Variants in NT5C2 observed in about 807,000 individuals in gnomAD.
The protein encoded by NT5C2 is 5'-nucleotidase, cytosolic II.
In NT5C2, 58 loss-of-function variants were observed where a neutral mutation model predicts 76.1. That is an observed-to-expected ratio of 0.76 (90% confidence interval 0.62 to 0.95). The LOEUF is 0.95. Ranked by LOEUF, NT5C2 falls within the 40% of genes least tolerant of loss-of-function variation. NT5C2 has a pLI of 0.00. For synonymous variants in NT5C2, 229 were observed against 237.4 expected, an observed-to-expected ratio of 0.96 and a Z score of 0.32; for missense variants, 478 against 690.3, an observed-to-expected ratio of 0.69 and a Z score of 3.45.
chr10:103,103,772 T>G (rs1029584241), intron 6 of NT5C2, among the ~76,000 whole-genome samples: 1 of 152,238 alleles, frequency 6.6e-6, no homozygotes, highest in Non-Finnish European at 1.5e-5. Context: ...TTTCCAGCCT[T>G]GTCTACCACT....
At chr10:103,148,652 T>C (rs2081923920) in intron 3 of NT5C2, among the ~76,000 whole-genome samples, 1 of 150,058 alleles carries the variant, frequency 6.7e-6, no homozygotes, top group Non-Finnish European at 1.5e-5. Flanking sequence ...ATCTGAACAG[T>C]GCTCACTTCG....
Position 103,133,885 on chromosome 10 carries a change from G to A in NT5C2, c.175+5521C>T, listed in dbSNP as rs1364623647. ...GAAATGAGGAACTTATTGGGAGCTG[G>A]AGCAAAGCTGAGTCTTTATATATTT... On this transcript the variant is annotated intron_variant, in intron 4 of 18. Transcript: ENST00000404739. Among the ~76,000 whole-genome samples, 3 of 152,306 alleles carry A rather than the reference G, an allele frequency of 2.0e-5. No individual in the cohort carries two copies. In the East Asian group the frequency reaches 5.8e-4, roughly 29 times the overall value.
chr10:103,097,405 C>A, intron 10 of NT5C2, 31 bp from the exon 11 acceptor site: 1 of 1,553,716 alleles, frequency 6.4e-7, no homozygotes, highest in Non-Finnish European at 8.9e-7. Context: ...GAGTGAAACA[C>A]GAAAACATTT....
intron 4 of NT5C2, among the ~76,000 whole-genome samples, chr10:103,129,677 C>T (rs1468277264): frequency 1.3e-5 from 1 of 75,048 alleles, no homozygotes; most frequent in South Asian, 4.4e-4. Context: ...AGGTGAGGGG[C>T]GCCTCTGCCC....
chr10:103,091,832 C>T (rs905961370), intron 15 of NT5C2, among the ~76,000 whole-genome samples: 8 of 152,204 alleles, frequency 5.3e-5, no homozygotes, highest in African/African-American at 1.9e-4. Flanking sequence ...TTCTCTTTAA[C>T]TGCCTTTCCT....
At chr10:103,106,234 G>A (rs1009556931) in intron 5 of NT5C2, among the ~76,000 whole-genome samples, 1 of 152,104 alleles carries the variant, frequency 6.6e-6, no homozygotes, top group Non-Finnish European at 1.5e-5. Context: ...AATGGAAACT[G>A]CCAAGCTTCT....
At chr10:103,131,583 G>A (rs958971033) in intron 4 of NT5C2, among the ~76,000 whole-genome samples, 5 of 152,190 alleles carry the variant, frequency 3.3e-5, no homozygotes, top group Admixed American at 6.5e-5. Flanking sequence ...ACAAACCCAC[G>A]TTGTGGAACA....
chr10:103,129,139 C>T (rs1478956106), intron 4 of NT5C2, among the ~76,000 whole-genome samples: 11 of 124,624 alleles, frequency 8.8e-5, no homozygotes, highest in South Asian at 2.9e-4. Flanking sequence ...GTCAGCCCCC[C>T]GCCCGGCCAG....
intron 4 of NT5C2, among the ~76,000 whole-genome samples, chr10:103,108,766 A>G (rs150256318): frequency 6.6e-6 from 1 of 152,326 alleles, no homozygotes; most frequent in East Asian, 1.9e-4. Context: ...AACAATGCCA[A>G]AAGAAAAAAA....
At chr10:103,136,401 G>C (rs1287637846) in intron 4 of NT5C2, among the ~76,000 whole-genome samples, 4 of 152,194 alleles carry the variant, frequency 2.6e-5, no homozygotes, top group Non-Finnish European at 5.9e-5. Context: ...AGATGTGAAT[G>C]ACAGAATCCA....
intron 3 of NT5C2, among the ~76,000 whole-genome samples, chr10:103,161,827 T>C (rs1041294575): frequency 6.6e-6 from 1 of 152,102 alleles, no homozygotes; most frequent in African/African-American, 2.4e-5. Context: ...ATATCCAGAA[T>C]AGGCAATTCC....
At chr10:103,161,369 G>A (rs2084833544) in intron 3 of NT5C2, among the ~76,000 whole-genome samples, 1 of 151,940 alleles carries the variant, frequency 6.6e-6, no homozygotes, top group African/African-American at 2.4e-5. Context: ...GTAGAGATGG[G>A]GTTTTGCTAT....
intron 3 of NT5C2, 145 bp from the exon 4 acceptor site, chr10:103,139,624 TAAC>T: frequency 3.4e-6 from 2 of 581,472 alleles, no homozygotes; most frequent in South Asian, 4.2e-5. Flanking sequence ...TTAAGATGTA[TAAC>T]ACGACATGCT....
At chr10:103,172,103 G>T (rs1007537820) in intron 3 of NT5C2, among the ~76,000 whole-genome samples, 1 of 151,834 alleles carries the variant, frequency 6.6e-6, no homozygotes, top group Non-Finnish European at 1.5e-5. Flanking sequence ...CCAGCTACTC[G>T]GGACGGTGAG....
chr10:103,162,205 G>A (rs1034005863), intron 3 of NT5C2, among the ~76,000 whole-genome samples: 2 of 151,748 alleles, frequency 1.3e-5, no homozygotes, highest in Non-Finnish European at 2.9e-5. Flanking sequence ...TAGTAGAGAC[G>A]GGGTTTCACC....
At chr10:103,161,774 C>CA (rs1472950786) in intron 3 of NT5C2, among the ~76,000 whole-genome samples, 1 of 151,874 alleles carries the variant, frequency 6.6e-6, no homozygotes, top group African/African-American at 2.4e-5. Context: ...TGAAAGAAGT[C>CA]AGACACAGAA....
rs1414957240 is a variant in NT5C2 at position 103,088,887 on chromosome 10, A to G, written c.*785T>C. On this transcript the variant is annotated 3_prime_UTR_variant, in exon 19 of 19. Transcript: ENST00000404739. ...CCCACACTAATGCATGTTCTGTAGT[A>G]TAAGAAGGCAGTTCTTCCCTTTCTT... is the stretch of plus-strand genomic sequence containing the variant. 2 of 208,392 alleles carry G rather than the reference A, an allele frequency of 9.6e-6. No individual in the cohort carries two copies. The highest frequency in any genetic ancestry group is 5.9e-5 in the Admixed American group (1 of 16,912). 12.9% of individuals were successfully genotyped at this position (208,392 alleles called of 1,614,324 possible). A position where few individuals can be genotyped will look rare whatever the true frequency, so the allele number is the denominator to read the frequency against.
intron 6 of NT5C2, 44 bp downstream of exon 6, chr10:103,105,662 T>C (rs1310677806): frequency 1.6e-6 from 2 of 1,264,988 alleles, no homozygotes; most frequent in Non-Finnish European, 2.3e-6. Context: ...TTCACATTGT[T>C]TGACTTTAAC....
intron 4 of NT5C2, among the ~76,000 whole-genome samples, chr10:103,120,041 G>A (rs145870899): frequency 0.04 from 6,037 of 151,982 alleles, 177 homozygotes; most frequent in Non-Finnish European, 0.056. Flanking sequence ...AGAGGTTGCA[G>A]TGAGCTGAGA....
Sources: gnomAD v4.1 joint callset for allele counts (sites outside exome capture counted in the v4.1 genomes callset) on GRCh38, gnomAD v4.1.1 for gene constraint, MANE v1.5 for transcripts, NCBI Gene and HGNC (gene_info 2026-07-23, HGNC 2026-07-21) for gene names.